Variants in SEMA3D observed in about 807,000 individuals in gnomAD.
SEMA3D encodes semaphorin 3D.
A neutral mutation model predicts 100.1 loss-of-function variants in SEMA3D; 84 were observed. The observed-to-expected ratio is 0.84, with a 90% confidence interval of 0.70 to 1.01. The LOEUF (loss-of-function observed/expected upper bound fraction) is 1.01, where lower values mean the gene tolerates loss of function less well. SEMA3D is among the 50% of genes least tolerant of loss of function. The pLI, the probability that SEMA3D is intolerant of heterozygous loss-of-function variation, is 0.00. For missense variants in SEMA3D, 875 were observed against 934.1 expected (o/e 0.94, Z 0.82); for synonymous variants, 312 against 320.7 (o/e 0.97, Z 0.29).
At chr7:85,218,004 T>A in the SEMA3D span, among the ~76,000 whole-genome samples, 1 of 152,098 alleles carries the variant, frequency 6.6e-6, no homozygotes, top group East Asian at 1.9e-4. Flanking sequence ...TTTTGCTATT[T>A]ACAGATTTGT....
At chr7:85,015,640 C>T (rs956160479) in intron 15 of SEMA3D, among the ~76,000 whole-genome samples, 1 of 151,722 alleles carries the variant, frequency 6.6e-6, no homozygotes, top group African/African-American at 2.4e-5. Flanking sequence ...ATAAAGCATT[C>T]CCCTGATTTC....
intron 2 of SEMA3D, among the ~76,000 whole-genome samples, chr7:85,137,363 A>G (rs548079432): frequency 6.6e-6 from 1 of 152,126 alleles, no homozygotes; most frequent in African/African-American, 2.4e-5. Context: ...TATATATGGT[A>G]CATACATAGG....
chr7:85,113,088 T>C (rs73703782), intron 3 of SEMA3D, among the ~76,000 whole-genome samples: 3,643 of 152,292 alleles, frequency 0.024, 137 homozygotes, highest in African/African-American at 0.083. Context: ...TTAGTGATGA[T>C]GGCGAGATAG....
intron 3 of SEMA3D, among the ~76,000 whole-genome samples, chr7:85,116,487 A>G (rs1789250150): frequency 6.7e-6 from 1 of 149,614 alleles, no homozygotes; most frequent in African/African-American, 2.4e-5. Flanking sequence ...ATTGTTTTAT[A>G]TAGGTGTATA....
At chr7:85,083,083 A>G (rs568393266) in intron 4 of SEMA3D, among the ~76,000 whole-genome samples, 29 of 152,336 alleles carry the variant, frequency 1.9e-4, no homozygotes, top group Admixed American at 1.9e-3. Context: ...TCTAAAAAGA[A>G]TATCTCCTCA....
chr7:85,237,135 T>C, the SEMA3D span, among the ~76,000 whole-genome samples: 2 of 152,180 alleles, frequency 1.3e-5, no homozygotes, highest in African/African-American at 4.8e-5. Flanking sequence ...TTAATAAACT[T>C]TTTTAGAGCA....
chr7:85,014,372 C>T (rs1790039165), intron 16 of SEMA3D, among the ~76,000 whole-genome samples: 2 of 151,664 alleles, frequency 1.3e-5, no homozygotes, highest in South Asian at 2.1e-4. Flanking sequence ...ATATTGTTTC[C>T]AGTTATTTTG....
the SEMA3D span, among the ~76,000 whole-genome samples, chr7:85,209,841 CA>C: frequency 6.6e-6 from 1 of 152,072 alleles, no homozygotes; most frequent in African/African-American, 2.4e-5. Flanking sequence ...AATTAAAACA[CA>C]TTTTTTTAAA....
chr7:85,248,374 G>A, the SEMA3D span, among the ~76,000 whole-genome samples: 3 of 152,242 alleles, frequency 2.0e-5, no homozygotes, highest in East Asian at 5.8e-4. Flanking sequence ...TATTGATACT[G>A]GGAATGGAAA....
the SEMA3D span, among the ~76,000 whole-genome samples, chr7:85,227,736 T>G: frequency 4.5e-3 from 690 of 152,152 alleles, 4 homozygotes; most frequent in Non-Finnish European, 6.5e-3. Flanking sequence ...AGAAAACAAA[T>G]GTATGATGAA....
chr7:85,080,788 G>A (rs1263456150), intron 5 of SEMA3D, among the ~76,000 whole-genome samples: 1 of 152,058 alleles, frequency 6.6e-6, no homozygotes, highest in African/African-American at 2.4e-5. Context: ...ATGATTAGAG[G>A]GAGCATGCAG....
At chr7:85,011,135 G>T (rs906809510) in intron 17 of SEMA3D, among the ~76,000 whole-genome samples, 3 of 151,834 alleles carry the variant, frequency 2.0e-5, no homozygotes, top group Admixed American at 2.0e-4. Context: ...GCTTTCAGTG[G>T]TTTAAAATCA....
At chr7:85,006,968 T>G (rs532392919) in intron 17 of SEMA3D, 27 bp from the exon 18 acceptor site, 1 of 1,596,968 alleles carries the variant, frequency 6.3e-7, no homozygotes, top group East Asian at 2.2e-5. Context: ...GAATAAGAGA[T>G]TAACCTTGAC....
intron 12 of SEMA3D, among the ~76,000 whole-genome samples, chr7:85,031,261 T>C (rs1043443028): frequency 1.7e-4 from 26 of 152,114 alleles, no homozygotes; most frequent in African/African-American, 6.0e-4. Flanking sequence ...CAACTTAGAA[T>C]TCAATCTTAA....
At chr7:85,069,124 C>A (rs75696916) in intron 6 of SEMA3D, among the ~76,000 whole-genome samples, 3,522 of 152,140 alleles carry the variant, frequency 0.023, 135 homozygotes, top group African/African-American at 0.079. Flanking sequence ...TTAGAGAAAT[C>A]CTGCACTTCA....
the SEMA3D span, among the ~76,000 whole-genome samples, chr7:85,225,254 C>G: frequency 6.8e-6 from 1 of 147,182 alleles, no homozygotes; most frequent in South Asian, 2.1e-4. Context: ...TAGTGAAAAT[C>G]AGAATAAGCT....
chr7:85,101,657 T>G (rs1282005601), intron 3 of SEMA3D, among the ~76,000 whole-genome samples: 1 of 151,988 alleles, frequency 6.6e-6, no homozygotes, highest in Non-Finnish European at 1.5e-5. Context: ...CTATCAGTCA[T>G]TATAATAACA....
At chr7:85,017,056 T>C (rs994446540) in intron 15 of SEMA3D, among the ~76,000 whole-genome samples, 6 of 151,820 alleles carry the variant, frequency 4.0e-5, no homozygotes, top group African/African-American at 1.4e-4. Context: ...AACACACATA[T>C]GATCCATACT....
intron 9 of SEMA3D, 44 bp downstream of exon 9, chr7:85,055,673 T>A (rs1277331959): frequency 4.0e-6 from 1 of 252,960 alleles, no homozygotes; most frequent in African/African-American, 2.5e-5. Flanking sequence ...TATATATATA[T>A]ATATATATAT....
Sources: gnomAD v4.1 joint callset for allele counts (sites outside exome capture counted in the v4.1 genomes callset) on GRCh38, gnomAD v4.1.1 for gene constraint, MANE v1.5 for transcripts, NCBI Gene and HGNC (gene_info 2026-07-23, HGNC 2026-07-21) for gene names.